BNC2: variants seen among roughly 807,000 people sequenced by gnomAD.
BNC2 encodes zinc finger protein basonuclin-2.
In BNC2, 20 loss-of-function variants were observed where a neutral mutation model predicts 76.3. The observed-to-expected ratio is 0.26, with a 90% CI of 0.18 to 0.38. The LOEUF (loss-of-function observed/expected upper bound fraction) is 0.38. Among genes scored for constraint, BNC2 ranks in the 10% least tolerant of loss-of-function variants. The pLI is 1.00. For synonymous variants in BNC2, 582 were observed against 514.8 expected, an observed-to-expected ratio of 1.13 and a Z score of -1.77; for missense variants, 1,382 against 1,399.8, an observed-to-expected ratio of 0.99 and a Z score of 0.20.
chr9:16,495,553 T>C (rs766198628), intron 5 of BNC2, among the ~76,000 whole-genome samples: 6 of 152,234 alleles, frequency 3.9e-5, no homozygotes, highest in Admixed American at 6.5e-5. Flanking sequence ...GCTCAACATA[T>C]GCACTGCCCA....
At chr9:16,564,871 A>T (rs1443379635) in intron 4 of BNC2, among the ~76,000 whole-genome samples, 1 of 152,198 alleles carries the variant, frequency 6.6e-6, no homozygotes, top group African/African-American at 2.4e-5. Flanking sequence ...ACTGTAGATA[A>T]AAGTTTCTAT....
At chr9:16,435,422 C>T in intron 6 of BNC2, 133 bp downstream of exon 6, 1 of 1,103,142 alleles carries the variant, frequency 9.1e-7, no homozygotes. Context: ...CTAGTTATCA[C>T]ATGATCACTG....
At chr9:16,637,897 G>A (rs943353125) in intron 3 of BNC2, among the ~76,000 whole-genome samples, 1 of 152,236 alleles carries the variant, frequency 6.6e-6, no homozygotes, top group African/African-American at 2.4e-5. Flanking sequence ...TATACATACA[G>A]TGAAATAAAC....
intron 3 of BNC2, among the ~76,000 whole-genome samples, chr9:16,627,849 T>G (rs376456747): frequency 6.6e-6 from 1 of 152,204 alleles, no homozygotes; most frequent in East Asian, 1.9e-4. Flanking sequence ...ATCATAATAC[T>G]TTGCAGAAAG....
Position 16,669,881 on chromosome 9 carries a change from A to G in BNC2, c.330+57916T>C, listed in dbSNP as rs560321860. 1.3e-3 allele frequency among the ~76,000 whole-genome samples: 200 copies of G among 152,330 alleles called. 1 individual carries two copies. In the Middle Eastern group the frequency reaches 0.031, roughly 23 times the overall value. The stretch of plus-strand genomic sequence containing the variant: ...CTGCAGCTTAGAGTGGACGGTAGGA[A>G]ACTTTGATGTGGTTTCATCTCCTCT... On this transcript the variant is annotated intron_variant, in intron 3 of 6. Coordinates refer to ENST00000380672, the MANE Select transcript of BNC2 (RefSeq NM_017637.6).
chr9:16,507,104 C>T (rs775223841), intron 5 of BNC2, among the ~76,000 whole-genome samples: 8 of 152,100 alleles, frequency 5.3e-5, no homozygotes, highest in Non-Finnish European at 8.8e-5. Context: ...AGGAACCTTT[C>T]CTACTTTCAA....
intron 1 of BNC2, among the ~76,000 whole-genome samples, chr9:16,787,393 G>A (rs1305057588): frequency 6.6e-6 from 1 of 152,190 alleles, no homozygotes; most frequent in African/African-American, 2.4e-5. Flanking sequence ...ACAGCATGAT[G>A]TGCATGAAAG....
At chr9:16,673,558 GA>G (rs1822548757) in intron 3 of BNC2, among the ~76,000 whole-genome samples, 1 of 151,926 alleles carries the variant, frequency 6.6e-6, no homozygotes, top group Non-Finnish European at 1.5e-5. Flanking sequence ...AGATCTGCAG[GA>G]TCAGGCCTGT....
At chr9:16,581,789 G>A (rs1174771438) in intron 4 of BNC2, among the ~76,000 whole-genome samples, 1 of 152,158 alleles carries the variant, frequency 6.6e-6, no homozygotes, top group Non-Finnish European at 1.5e-5. Context: ...AGACTGGACT[G>A]AGACCTGTTG....
chr9:16,776,294 C>A (rs1825966516), intron 1 of BNC2, among the ~76,000 whole-genome samples: 1 of 152,128 alleles, frequency 6.6e-6, no homozygotes, highest in African/African-American at 2.4e-5. Context: ...GAGCCCACCA[C>A]CACGCCCTGC....
At chr9:16,792,810 A>C (rs1817549421) in intron 1 of BNC2, among the ~76,000 whole-genome samples, 1 of 152,250 alleles carries the variant, frequency 6.6e-6, no homozygotes, top group Non-Finnish European at 1.5e-5. Context: ...CCTGAAAGTT[A>C]ATAACATTGT....
At chr9:16,840,414 G>A (rs1818798366) in intron 1 of BNC2, among the ~76,000 whole-genome samples, 1 of 152,172 alleles carries the variant, frequency 6.6e-6, no homozygotes, top group South Asian at 2.1e-4. Context: ...TAGTTAACAT[G>A]GCGTCTCCCC....
intron 1 of BNC2, among the ~76,000 whole-genome samples, chr9:16,806,317 T>C (rs1194774727): frequency 6.6e-6 from 1 of 151,766 alleles, no homozygotes; most frequent in East Asian, 1.9e-4. Context: ...CAGTGAGCAG[T>C]GATAGTGCCA....
At chr9:16,855,761 G>A (rs1287946891) in intron 1 of BNC2, among the ~76,000 whole-genome samples, 1 of 151,194 alleles carries the variant, frequency 6.6e-6, no homozygotes, top group African/African-American at 2.4e-5. Context: ...TGTTAGCCAG[G>A]ATGGTCTCGA....
At chr9:16,610,328 T>G (rs975029451) in intron 3 of BNC2, among the ~76,000 whole-genome samples, 2 of 152,166 alleles carry the variant, frequency 1.3e-5, no homozygotes, top group Non-Finnish European at 2.9e-5. Flanking sequence ...CCACTATAAT[T>G]AAATTCAGTA....
chr9:16,624,058 T>C (rs1413388289), intron 3 of BNC2, among the ~76,000 whole-genome samples: 1 of 152,252 alleles, frequency 6.6e-6, no homozygotes, highest in Non-Finnish European at 1.5e-5. Flanking sequence ...TTTAAAGTGC[T>C]ACTTCAAAAC....
intron 3 of BNC2, among the ~76,000 whole-genome samples, chr9:16,612,872 GTCT>G (rs1417544158): frequency 2.0e-5 from 3 of 152,146 alleles, no homozygotes; most frequent in African/African-American, 4.8e-5. Flanking sequence ...CAGAGACCAT[GTCT>G]TGTTTTACTT....
intron 1 of BNC2, among the ~76,000 whole-genome samples, chr9:16,815,966 T>G (rs901216369): frequency 3.9e-5 from 6 of 152,196 alleles, no homozygotes; most frequent in African/African-American, 1.4e-4. Context: ...GTCTTTTGCT[T>G]GAAGTTCTTC....
intron 3 of BNC2, among the ~76,000 whole-genome samples, chr9:16,642,544 A>T (rs1404460950): frequency 6.6e-6 from 1 of 152,208 alleles, no homozygotes; most frequent in African/African-American, 2.4e-5. Flanking sequence ...CATGTGCCTC[A>T]CTAAAATTTT....
Sources: gnomAD v4.1 joint callset for allele counts (sites outside exome capture counted in the v4.1 genomes callset) on GRCh38, gnomAD v4.1.1 for gene constraint, MANE v1.5 for transcripts, NCBI Gene and HGNC (gene_info 2026-07-23, HGNC 2026-07-21) for gene names.